Variants in CSRNP2 observed in about 807,000 individuals in gnomAD.
CSRNP2 encodes the protein cysteine and serine rich nuclear protein 2, also known as cysteine/serine-rich nuclear protein 2.
CSRNP2 carries 11 observed loss-of-function variants against 36.6 expected under a neutral mutation model. The ratio of observed to expected loss-of-function variants is 0.30; its 90% CI spans 0.19 to 0.50. The LOEUF (loss-of-function observed/expected upper bound fraction) is 0.50. CSRNP2 is among the 20% of genes least tolerant of loss of function. The pLI is 0.98. For synonymous variants in CSRNP2, 248 were observed against 275.3 expected, an observed-to-expected ratio of 0.90 and a Z score of 0.98; for missense variants, 483 against 691.4, an observed-to-expected ratio of 0.70 and a Z score of 3.38.
chr12:51,069,071 G>A (rs1187656612), intron 3 of CSRNP2, among the ~76,000 whole-genome samples: 1 of 152,144 alleles, frequency 6.6e-6, no homozygotes, highest in Non-Finnish European at 1.5e-5. Context: ...CACCTCCTGG[G>A]TTCACGCCAT....
chr12:51,067,232 AC>A lies in CSRNP2; in HGVS notation c.708+440del, dbSNP rs1475073557. Reference sequence around the variant, plus strand: ...GAAACATTTACTAAATGTTAAATGTACTAACTCCTCTTCATCCCTTTCCTAA... The same window carrying A: ...GAAACATTTACTAAATGTTAAATGTATAACTCCTCTTCATCCCTTTCCTAA... On this transcript the variant is annotated intron_variant, in intron 4 of 4. Transcript: ENST00000228515. This position sits in a 1 kb window ranked among gnomAD's most constrained non-coding sequence, Gnocchi z 4.1. 6.7e-6 allele frequency among the ~76,000 whole-genome samples: 1 copy of A among 150,326 alleles called. No homozygotes were observed. The highest frequency in any genetic ancestry group is 1.9e-4 in the East Asian group (1 of 5,188).
chr12:51,073,226 A>AACATACATACAT (rs112779685), intron 3 of CSRNP2, among the ~76,000 whole-genome samples: 128 of 150,892 alleles, frequency 8.5e-4, no homozygotes, highest in African/African-American at 2.6e-3. Flanking sequence ...CTCAAAAGAA[A>AACATACATACAT]ACATACATAC....
Position 51,073,922 on chromosome 12 carries a change from G to A in CSRNP2, c.312C>T (p.Ser104=), listed in dbSNP as rs766390202. Residue 104 remains serine, a synonymous_variant, in exon 3 of 5, where the codon AGC becomes AGT. Transcript: ENST00000228515. ...GMAQRHNSVR[S]YTLCEFAQEQ... is the part of the protein sequence containing the mutation. ...CCTGGGCAAACTCACAGAGTGTATAGCTCCGTACAGAGTTATGGCGCTGGG... is the reference window on the plus strand; with the variant it reads ...CCTGGGCAAACTCACAGAGTGTATAACTCCGTACAGAGTTATGGCGCTGGG... 1 of 1,614,050 alleles carries A rather than the reference G, an allele frequency of 6.2e-7. No homozygotes were observed. The highest frequency in any genetic ancestry group is 2.2e-5 in the East Asian group (1 of 44,860).
chr12:51,064,404 A>C lies in CSRNP2; in HGVS notation c.974T>G (p.Met325Arg). ...EFIAENETAV[M>R]HLQSAEELER... Reference sequence around the variant, plus strand: ...CAGTTCCTCTGCACTCTGCAGGTGCATCACTGCTGTCTCATTCTCAGCAAT... The same window carrying C: ...CAGTTCCTCTGCACTCTGCAGGTGCCTCACTGCTGTCTCATTCTCAGCAAT... Residue 325 changes from methionine to arginine, a missense_variant, in exon 5 of 5, where the codon ATG (methionine) becomes AGG (arginine). Physicochemically the swap from Met to Arg is moderately conservative, Grantham distance 91. Transcript: ENST00000228515. The C allele has an allele frequency of 2.5e-6, 4 of 1,613,966 alleles. No individual in the cohort carries two copies. The highest frequency in any genetic ancestry group is 2.5e-6 in the Non-Finnish European group (3 of 1,179,918).
intron 1 of CSRNP2, among the ~76,000 whole-genome samples, chr12:51,080,877 G>T (rs1419489082): frequency 6.6e-6 from 1 of 152,174 alleles, no homozygotes; most frequent in Non-Finnish European, 1.5e-5. Flanking sequence ...CAAACCTCCT[G>T]TTCACTTCCA....
chr12:51,072,777 T>C (rs1216438871), intron 3 of CSRNP2, among the ~76,000 whole-genome samples: 3 of 152,254 alleles, frequency 2.0e-5, no homozygotes, highest in East Asian at 3.9e-4. Flanking sequence ...AGCAGGATCC[T>C]TTCAGAGACT....
chr12:51,072,860 T>C (rs1939242667), intron 3 of CSRNP2, among the ~76,000 whole-genome samples: 1 of 152,190 alleles, frequency 6.6e-6, no homozygotes, highest in Non-Finnish European at 1.5e-5. Context: ...AAAATTGTGC[T>C]TCCTTGAGTT....
chr12:51,080,588 C>G (rs1386917037), intron 1 of CSRNP2, among the ~76,000 whole-genome samples: 1 of 152,140 alleles, frequency 6.6e-6, no homozygotes, highest in Admixed American at 6.5e-5. Flanking sequence ...ATAACTGGAA[C>G]CTATGGCTAT....
intron 1 of CSRNP2, among the ~76,000 whole-genome samples, chr12:51,077,827 A>G (rs1939456385): frequency 6.6e-6 from 1 of 152,222 alleles, no homozygotes. Flanking sequence ...AGAAGTAACT[A>G]TTTATTCTGG....
At chr12:51,066,183 G>T (rs1006530921) in intron 4 of CSRNP2, among the ~76,000 whole-genome samples, 1 of 152,090 alleles carries the variant, frequency 6.6e-6, no homozygotes, top group Non-Finnish European at 1.5e-5. Context: ...GGCCAGGTGC[G>T]GTGGCTCACG....
intron 3 of CSRNP2, among the ~76,000 whole-genome samples, chr12:51,070,513 T>C (rs1939055598): frequency 1.3e-5 from 2 of 152,150 alleles, no homozygotes; most frequent in African/African-American, 2.4e-5. Flanking sequence ...GACACTCATA[T>C]AGATGTGAGA....
intron 1 of CSRNP2, among the ~76,000 whole-genome samples, chr12:51,080,335 T>TA: frequency 1.3e-5 from 2 of 152,252 alleles, no homozygotes; most frequent in South Asian, 4.1e-4. Flanking sequence ...CAAAATCATC[T>TA]TTATTACTAC....
chr12:51,079,243 G>C (rs1261342512), intron 1 of CSRNP2, among the ~76,000 whole-genome samples: 1 of 151,852 alleles, frequency 6.6e-6, no homozygotes, highest in Non-Finnish European at 1.5e-5. Context: ...GAAGCGGGGA[G>C]GGATTATACC....
chr12:51,066,563 C>T (rs1224170414), intron 4 of CSRNP2, among the ~76,000 whole-genome samples: 1 of 151,550 alleles, frequency 6.6e-6, no homozygotes, highest in African/African-American at 2.4e-5. Flanking sequence ...ATCACTTGAA[C>T]CCAGGAGGTG....
At chr12:51,079,345 G>T (rs77492747) in intron 1 of CSRNP2, among the ~76,000 whole-genome samples, 1 of 149,218 alleles carries the variant, frequency 6.7e-6, no homozygotes, top group African/African-American at 2.5e-5. Context: ...ATATACCCTA[G>T]AACTTAAAGT....
At chr12:51,065,634 A>AT (rs1435301411) in intron 4 of CSRNP2, among the ~76,000 whole-genome samples, 1 of 151,930 alleles carries the variant, frequency 6.6e-6, no homozygotes, top group Non-Finnish European at 1.5e-5. Flanking sequence ...TAATTTTAAA[A>AT]TTTTTTGTAG....
rs748650592 is a variant in CSRNP2 at position 51,064,033 on chromosome 12, G to C, written c.1345C>G (p.Leu449Val). The C allele has an allele frequency of 3.1e-6, 5 of 1,614,136 alleles. No homozygotes were observed. In the East Asian group the frequency reaches 8.9e-5, roughly 29 times the overall value. ...GSASFPKEKD[L>V]NVFSLPVTSL... Reference sequence around the variant, plus strand: ...GTAACAGGGAGAGAGAAGACATTCAGATCCTTCTCCTTTGGGAAAGAGGCT... The same window carrying C: ...GTAACAGGGAGAGAGAAGACATTCACATCCTTCTCCTTTGGGAAAGAGGCT... The change falls in exon 5 of 5, where the codon CTG (leucine) becomes GTG (valine). Residue 449 changes from leucine to valine, a missense_variant. Physicochemically the swap from Leu to Val is conservative, Grantham distance 32. Around this residue, in one of 2 missense-constraint regions of CSRNP2, gnomAD observed 277 missense variants for 323.6 expected, o/e 0.86. Transcript: ENST00000228515.
rs1345103577 is a variant in CSRNP2 at position 51,063,786 on chromosome 12, G to A, written c.1592C>T (p.Pro531Leu). The A allele has an allele frequency of 6.3e-7, 1 of 1,593,414 alleles. No homozygotes were observed. Residue 531 changes from proline (P) to leucine (L), a missense_variant, in exon 5 of 5, where the codon CCC becomes CTC. Around this residue, in one of 2 missense-constraint regions of CSRNP2, gnomAD observed 277 missense variants for 323.6 expected, o/e 0.86. Coordinates refer to ENST00000228515, the MANE Select transcript of CSRNP2 (RefSeq NM_030809.3). Reference sequence around the variant, plus strand: ...GAGTTCTAAGGAAGAATCTTCAGGGGGCCGATCCTCATTCTGCTGGGAGGT... The same window carrying A: ...GAGTTCTAAGGAAGAATCTTCAGGGAGCCGATCCTCATTCTGCTGGGAGGT... ...VKTSQQNEDR[P>L]PEDSSLELPL...
In CSRNP2 at chr12:51,073,745, A is replaced by ATC. The variant is rs1224546132; in HGVS notation, c.411+77_411+78insGA. 4 of 1,417,934 alleles carry ATC rather than the reference A, an allele frequency of 2.8e-6. No individual in the cohort carries two copies. The African/African-American group carries it at 5.8e-5, about 20-fold the overall frequency. 87.8% of individuals were successfully genotyped at this position (1,417,934 alleles called of 1,614,324 possible). On this transcript the variant is annotated intron_variant, in intron 3 of 4. Transcript: ENST00000228515. ...TGTCCCAGAAAAAAAAAAAAAAAAA[A>ATC]AATCAATCAACCAACCAACCAATGA...
Sources: allele counts gnomAD v4.1 joint callset (sites outside exome capture counted in the v4.1 genomes callset), GRCh38; gene constraint gnomAD v4.1.1; regional missense constraint gnomAD v4.1.1; non-coding constraint Gnocchi (gnomAD v3.1); transcripts MANE v1.5; gene names NCBI Gene and HGNC (gene_info 2026-07-23, HGNC 2026-07-21).